Variants in SYTL5 observed in about 807,000 individuals in gnomAD.
SYTL5 encodes the protein synaptotagmin-like protein 5.
Under a neutral mutation model 55.9 loss-of-function variants are expected in SYTL5, and 34 were observed. The ratio of observed to expected loss-of-function variants is 0.61; its 90% CI spans 0.46 to 0.81. The LOEUF is 0.81. Among genes scored for constraint, SYTL5 ranks in the 30% least tolerant of loss-of-function variants. SYTL5 has a pLI of 0.00. For synonymous variants in SYTL5, 221 were observed against 188.7 expected (o/e 1.17, Z -1.40); for missense variants, 637 against 546.7 (o/e 1.17, Z -1.65).
At chrX:38,036,383 T>C (rs187947091) in intron 2 of SYTL5, among the ~76,000 whole-genome samples, 29 of 111,473 alleles carry the variant, frequency 2.6e-4, no homozygotes, top group Non-Finnish European at 3.8e-4. Context: ...TCCCTAGTCT[T>C]CTTTCCTTAT....
chrX:37,951,368 A>T, the SYTL5 span, among the ~76,000 whole-genome samples: 1 of 111,643 alleles, frequency 9.0e-6, no homozygotes, highest in African/African-American at 3.2e-5. Flanking sequence ...ATTTTAATAA[A>T]CGGTATAAAT....
At chrX:37,889,148 A>G in the SYTL5 span, among the ~76,000 whole-genome samples, 1 of 112,022 alleles carries the variant, frequency 8.9e-6, no homozygotes, top group Non-Finnish European at 1.9e-5. Context: ...TAACCACACC[A>G]ATGAAGAGCG....
At chrX:37,939,259 A>AAAAAAAAAAG in the SYTL5 span, among the ~76,000 whole-genome samples, 5 of 106,149 alleles carry the variant, frequency 4.7e-5, no homozygotes, top group East Asian at 1.5e-3. Flanking sequence ...AACTCCTTCT[A>AAAAAAAAAAG]AAAAAAAAAG....
At chrX:38,080,718 T>C (rs781486701) in intron 6 of SYTL5, among the ~76,000 whole-genome samples, 1 of 112,466 alleles carries the variant, frequency 8.9e-6, no homozygotes, top group Non-Finnish European at 1.9e-5. Flanking sequence ...TTTAGTAAAG[T>C]GAGTTTATTA....
chrX:37,951,461 G>T, the SYTL5 span, among the ~76,000 whole-genome samples: 2 of 111,184 alleles, frequency 1.8e-5, no homozygotes, highest in Non-Finnish European at 3.8e-5. Context: ...TATGTGTCAG[G>T]TTCTGCCCTA....
chrX:37,917,584 G>T, the SYTL5 span, among the ~76,000 whole-genome samples: 20 of 111,697 alleles, frequency 1.8e-4, no homozygotes, highest in East Asian at 4.2e-3. Context: ...CTAATTTTTT[G>T]TCTAATTTTT....
chrX:37,913,518 C>T, the SYTL5 span, among the ~76,000 whole-genome samples: 1 of 112,185 alleles, frequency 8.9e-6, no homozygotes, highest in South Asian at 3.7e-4. Context: ...AGTGCCTTGC[C>T]TTAGCCTCAC....
chrX:37,973,366 G>A, the SYTL5 span, among the ~76,000 whole-genome samples: 2 of 111,262 alleles, frequency 1.8e-5, no homozygotes, highest in Middle Eastern at 4.2e-3. Flanking sequence ...TTGGAGTAGC[G>A]CACTCCAAAA....
intron 6 of SYTL5, among the ~76,000 whole-genome samples, chrX:38,087,912 GTGTT>G (rs1936695405): frequency 9.0e-6 from 1 of 111,438 alleles, no homozygotes; most frequent in African/African-American, 3.3e-5. Context: ...GTATGCATGT[GTGTT>G]TGTGTACATG....
At chrX:37,892,118 T>C in the SYTL5 span, among the ~76,000 whole-genome samples, 1 of 111,136 alleles carries the variant, frequency 9.0e-6, no homozygotes, top group Non-Finnish European at 1.9e-5. Context: ...CATGAATAAA[T>C]AGGTCAACTA....
intron 1 of SYTL5, among the ~76,000 whole-genome samples, chrX:38,016,816 C>T (rs889713094): frequency 8.1e-4 from 91 of 112,102 alleles, no homozygotes; most frequent in African/African-American, 2.8e-3. Flanking sequence ...AGCTGTCTGA[C>T]CATGCATTTC....
chrX:37,974,509 T>C, the SYTL5 span, among the ~76,000 whole-genome samples: 1 of 111,962 alleles, frequency 8.9e-6, no homozygotes, highest in Non-Finnish European at 1.9e-5. Context: ...GTAGTAGTGA[T>C]GGTTGTACAA....
At chrX:37,893,726 A>ATAATCTATAGATAAACTATAGATTATC in the SYTL5 span, among the ~76,000 whole-genome samples, 1 of 92,096 alleles carries the variant, frequency 1.1e-5, no homozygotes, top group Non-Finnish European at 2.1e-5. Flanking sequence ...TATAGATTAT[A>ATAATCTATAGATAAACTATAGATTATC]TATAATCTAT....
At chrX:37,968,817 C>G in the SYTL5 span, among the ~76,000 whole-genome samples, 1 of 111,719 alleles carries the variant, frequency 9.0e-6, no homozygotes, top group Non-Finnish European at 1.9e-5. Context: ...CTGTATTAAT[C>G]CAAACAAGCT....
the SYTL5 span, chrX:37,991,431 T>C: frequency 2.0e-6 from 1 of 502,589 alleles, no homozygotes; most frequent in African/African-American, 2.4e-5. Flanking sequence ...AGTGTGGTGT[T>C]TGAATCAGTG....
In SYTL5 at chrX:38,120,391, A is replaced by G; in HGVS notation, c.1630A>G (p.Lys544Glu). 3 of 1,211,024 alleles carry G rather than the reference A, an allele frequency of 2.5e-6. No homozygotes were observed. Among genetic ancestry groups the G allele is most frequent in the Non-Finnish European group, 3.4e-6 (3 of 894,952 alleles). The change falls in exon 14 of 17, where the codon AAA becomes GAA. Residue 544 changes from lysine to glutamate, a missense_variant. Lys to Glu is a moderately conservative substitution (Grantham distance 56). Coordinates refer to ENST00000297875, the MANE Select transcript of SYTL5 (RefSeq NM_138780.3). The part of the protein sequence containing the change: ...EFAPDIGLQY[K>E]GELTVVLRYI... Reference sequence around the variant, plus strand: ...TGCTCCTGATATTGGCCTTCAATACAAAGGAGAGCTGACAGTTGTTTTACG... The same window carrying G: ...TGCTCCTGATATTGGCCTTCAATACGAAGGAGAGCTGACAGTTGTTTTACG...
At chrX:37,891,055 G>A in the SYTL5 span, among the ~76,000 whole-genome samples, 1 of 111,716 alleles carries the variant, frequency 9.0e-6, no homozygotes. Context: ...GAATGTTGAT[G>A]AGGAGGTGGA....
At chrX:38,007,610 A>C (rs1166746991) in intron 1 of SYTL5, among the ~76,000 whole-genome samples, 1 of 111,680 alleles carries the variant, frequency 9.0e-6, no homozygotes, top group Non-Finnish European at 1.9e-5. Context: ...TATTTTAAAC[A>C]CAGGAATTAA....
the SYTL5 span, among the ~76,000 whole-genome samples, chrX:38,001,227 G>T: frequency 9.0e-6 from 1 of 110,780 alleles, no homozygotes; most frequent in African/African-American, 3.3e-5. Flanking sequence ...ATCACATCAG[G>T]GTAAATGGGG....
Sources: gnomAD v4.1 joint callset for allele counts (sites outside exome capture counted in the v4.1 genomes callset) on GRCh38, gnomAD v4.1.1 for gene constraint, MANE v1.5 for transcripts, NCBI Gene and HGNC (gene_info 2026-07-23, HGNC 2026-07-21) for gene names.